HDAC8: variants seen among roughly 807,000 people sequenced by gnomAD.
The protein encoded by HDAC8 is histone deacetylase-like 1.
Under a neutral mutation model 32.2 loss-of-function variants are expected in HDAC8, and 1 was observed. The observed-to-expected ratio is 0.03, with a 90% CI of 0.01 to 0.15. The LOEUF (loss-of-function observed/expected upper bound fraction) is 0.15. HDAC8 is among the 10% of genes least tolerant of loss of function. The probability of loss-of-function intolerance (pLI) is 1.00; values close to 1 mark genes in which losing one functional copy is unlikely to be tolerated. For missense variants in HDAC8, 117 were observed against 300.0 expected (o/e 0.39, Z 4.51); for synonymous variants, 108 against 113.9 (o/e 0.95, Z 0.33).
chrX:72,410,354 A>T (rs1295126503), intron 9 of HDAC8, among the ~76,000 whole-genome samples: 1 of 110,871 alleles, frequency 9.0e-6, no homozygotes, highest in African/African-American at 3.3e-5. Flanking sequence ...CCCAGAGCAG[A>T]CTGGGCATGG....
intron 9 of HDAC8, among the ~76,000 whole-genome samples, chrX:72,387,467 G>C (rs1401062453): frequency 9.0e-6 from 1 of 111,709 alleles, no homozygotes; most frequent in Admixed American, 9.5e-5. Context: ...CATCAAAGCA[G>C]CTCCCAGGCT....
At chrX:72,433,261 C>T (rs976802242) in intron 9 of HDAC8, among the ~76,000 whole-genome samples, 1 of 111,012 alleles carries the variant, frequency 9.0e-6, no homozygotes, top group Non-Finnish European at 1.9e-5. Flanking sequence ...TGGCATCTAG[C>T]GCATAGAGGC....
At chrX:72,386,520 T>C (rs1555961478) in intron 9 of HDAC8, among the ~76,000 whole-genome samples, 1 of 111,820 alleles carries the variant, frequency 8.9e-6, no homozygotes, top group Non-Finnish European at 1.9e-5. Flanking sequence ...ATAAGTGTGT[T>C]TGTTATATTC....
intron 7 of HDAC8, chrX:72,467,169 C>T (rs2048040428): frequency 1.1e-5 from 1 of 94,541 alleles, no homozygotes; most frequent in African/African-American, 4.6e-5. Context: ...GATAAAATTG[C>T]ATAGAGCTAC....
In HDAC8 at chrX:72,407,085, C is replaced by G. The variant is rs2046060176; in HGVS notation, c.1005+54919G>C. ...TCTCCAAAGATGTCGAAGTCCTAAT[C>G]CTCAGAATTTGTGGATATGCTACTT... On this transcript the variant is annotated intron_variant, in intron 9 of 10. Coordinates refer to ENST00000373573, the MANE Select transcript of HDAC8 (RefSeq NM_018486.3). Among the ~76,000 whole-genome samples, 4 of 112,696 alleles carry G rather than the reference C, an allele frequency of 3.5e-5. No homozygotes were observed. The South Asian group carries it at 1.5e-3, about 41-fold the overall frequency.
chrX:72,553,521 T>C (rs2051162157), intron 4 of HDAC8, among the ~76,000 whole-genome samples: 1 of 111,854 alleles, frequency 8.9e-6, no homozygotes, highest in Non-Finnish European at 1.9e-5. Flanking sequence ...TTGGGTCGGT[T>C]TACTTCCTTA....
chrX:72,522,757 C>A (rs2050022187), intron 4 of HDAC8, among the ~76,000 whole-genome samples: 1 of 112,240 alleles, frequency 8.9e-6, no homozygotes, highest in Non-Finnish European at 1.9e-5. Flanking sequence ...GTAATATGTG[C>A]TCAGTAAAAA....
At chrX:72,449,110 A>C (rs1207204466) in intron 9 of HDAC8, among the ~76,000 whole-genome samples, 2 of 112,295 alleles carry the variant, frequency 1.8e-5, no homozygotes, top group African/African-American at 6.5e-5. Flanking sequence ...CTATAAAGAC[A>C]CATGAACACA....
At chrX:72,540,281 T>C (rs1000219191) in intron 4 of HDAC8, among the ~76,000 whole-genome samples, 5 of 112,531 alleles carry the variant, frequency 4.4e-5, no homozygotes, top group African/African-American at 9.7e-5. Flanking sequence ...AATTTCAAGA[T>C]GAAAAGTCTG....
intron 4 of HDAC8, among the ~76,000 whole-genome samples, chrX:72,501,929 A>G (rs1305100542): frequency 1.8e-5 from 2 of 112,311 alleles, no homozygotes; most frequent in Non-Finnish European, 3.8e-5. Flanking sequence ...TACAAGAGAA[A>G]AACAAAAACC....
chrX:72,549,564 G>A (rs2050994134), intron 4 of HDAC8, among the ~76,000 whole-genome samples: 1 of 111,488 alleles, frequency 9.0e-6, no homozygotes, highest in African/African-American at 3.3e-5. Flanking sequence ...AAGAATCCCA[G>A]AGGTTTCATA....
intron 7 of HDAC8, chrX:72,466,960 A>G (rs1329986512): frequency 8.9e-6 from 1 of 111,928 alleles, no homozygotes; most frequent in Non-Finnish European, 1.9e-5. Flanking sequence ...AAGAAGGCCA[A>G]TCTCAAAAGA....
intron 9 of HDAC8, among the ~76,000 whole-genome samples, chrX:72,445,599 T>A (rs1296883515): frequency 2.6e-4 from 29 of 112,024 alleles, no homozygotes; most frequent in African/African-American, 9.4e-4. Context: ...AACCTAGGCA[T>A]TACCATTCAG....
At chrX:72,483,269 C>A (rs2048566055) in intron 7 of HDAC8, among the ~76,000 whole-genome samples, 1 of 111,099 alleles carries the variant, frequency 9.0e-6, no homozygotes, top group South Asian at 3.8e-4. Context: ...AAATGTGATC[C>A]CCAATGTTGG....
At chrX:72,340,341 G>A (rs781982764) in intron 10 of HDAC8, among the ~76,000 whole-genome samples, 2 of 111,672 alleles carry the variant, frequency 1.8e-5, no homozygotes, top group Admixed American at 9.5e-5. Flanking sequence ...TTCTTTGGTC[G>A]ATGTGCCTTC....
chrX:72,542,301 G>T (rs917750684), intron 4 of HDAC8, among the ~76,000 whole-genome samples: 1 of 112,103 alleles, frequency 8.9e-6, no homozygotes, highest in Admixed American at 9.5e-5. Flanking sequence ...TTTACTCCCA[G>T]TCCTGGTACC....
chrX:72,379,520 C>T lies in HDAC8; in HGVS notation c.1006-27682G>A, dbSNP rs183403312. Reference sequence around the variant, plus strand: ...TTTTTTTTTTTTTTTTTTTTGGAGACGGAGTCTTACTCTGTCACCCAGGCT... The same window carrying T: ...TTTTTTTTTTTTTTTTTTTTGGAGATGGAGTCTTACTCTGTCACCCAGGCT... On this transcript the variant is annotated intron_variant, in intron 9 of 10. Transcript: ENST00000373573. Among the ~76,000 whole-genome samples the T allele has an allele frequency of 5.3e-3, 362 of 68,312 alleles. 3 individuals are homozygous for T. The highest frequency in any genetic ancestry group is 0.026 in the Middle Eastern group (2 of 78). 59.3% of individuals were successfully genotyped at this position (68,312 alleles called of 115,157 possible). A position where few individuals can be genotyped will look rare whatever the true frequency, so the allele number is the denominator to read the frequency against.
chrX:72,502,521 A>G (rs1556016686), intron 4 of HDAC8, among the ~76,000 whole-genome samples: 1 of 111,353 alleles, frequency 9.0e-6, no homozygotes, highest in Non-Finnish European at 1.9e-5. Flanking sequence ...TACTGGGCTT[A>G]ATACCCGGGT....
intron 10 of HDAC8, among the ~76,000 whole-genome samples, chrX:72,339,808 T>C (rs782311512): frequency 1.8e-5 from 2 of 112,512 alleles, no homozygotes; most frequent in South Asian, 7.5e-4. Flanking sequence ...CAAGGGTTCC[T>C]ATGAAGCCTT....
Sources: gnomAD v4.1 joint callset for allele counts (sites outside exome capture counted in the v4.1 genomes callset) on GRCh38, gnomAD v4.1.1 for gene constraint, MANE v1.5 for transcripts, NCBI Gene and HGNC (gene_info 2026-07-23, HGNC 2026-07-21) for gene names.